ELMO1: variants seen among roughly 807,000 people sequenced by gnomAD.
ELMO1 encodes the protein engulfment and cell motility protein 1.
Under a neutral mutation model 98.9 loss-of-function variants are expected in ELMO1, and 26 were observed. That is an observed-to-expected ratio of 0.26 (90% CI 0.19 to 0.36). The LOEUF (loss-of-function observed/expected upper bound fraction) is 0.36. Among genes scored for constraint, ELMO1 ranks in the 10% least tolerant of loss-of-function variants. The pLI is 1.00. For synonymous variants in ELMO1, 346 were observed against 346.0 expected, an observed-to-expected ratio of 1.00 and a Z score of 0.00; for missense variants, 627 against 935.2, an observed-to-expected ratio of 0.67 and a Z score of 4.30.
intron 10 of ELMO1, among the ~76,000 whole-genome samples, chr7:37,219,083 C>T (rs1793453016): frequency 6.6e-6 from 1 of 152,228 alleles, no homozygotes; most frequent in East Asian, 1.9e-4. Context: ...TAGCCCAGCC[C>T]TTCCCTCCGT....
At chr7:37,383,293 T>G (rs1038386194) in intron 1 of ELMO1, among the ~76,000 whole-genome samples, 2 of 152,262 alleles carry the variant, frequency 1.3e-5, no homozygotes, top group African/African-American at 2.4e-5. Context: ...TTGCCTTTCA[T>G]GACGCTGACA....
At chr7:37,182,450 T>C in intron 13 of ELMO1, among the ~76,000 whole-genome samples, 1 of 119,150 alleles carries the variant, frequency 8.4e-6, no homozygotes, top group Non-Finnish European at 1.7e-5. Flanking sequence ...TCATGAGTGC[T>C]CTTGTGCTCT....
chr7:36,873,959 T>A (rs374472319), intron 19 of ELMO1, among the ~76,000 whole-genome samples: 4 of 152,200 alleles, frequency 2.6e-5, no homozygotes, highest in Non-Finnish European at 5.9e-5. Context: ...TAGAAGCTCC[T>A]GTGGGCAGAA....
chr7:36,889,092 T>C (rs750951638), intron 17 of ELMO1, among the ~76,000 whole-genome samples: 1 of 152,150 alleles, frequency 6.6e-6, no homozygotes, highest in African/African-American at 2.4e-5. Context: ...GATTTACTCA[T>C]GAGAAAAAAG....
intron 13 of ELMO1, among the ~76,000 whole-genome samples, chr7:37,204,751 C>T (rs573249779): frequency 2.6e-5 from 4 of 152,302 alleles, no homozygotes; most frequent in Admixed American, 2.0e-4. Flanking sequence ...AAACCTTTAG[C>T]TAGACACAGA....
intron 15 of ELMO1, among the ~76,000 whole-genome samples, chr7:37,043,826 C>T (rs1795657463): frequency 1.3e-5 from 2 of 151,916 alleles, no homozygotes; most frequent in African/African-American, 4.8e-5. Context: ...CAAAGGCTAG[C>T]TTTGCTGCCT....
At chr7:37,380,339 T>G (rs1009390989) in intron 1 of ELMO1, among the ~76,000 whole-genome samples, 1 of 152,224 alleles carries the variant, frequency 6.6e-6, no homozygotes, top group Non-Finnish European at 1.5e-5. Flanking sequence ...AGAGCACATG[T>G]TGGTTTTGTT....
chr7:37,288,064 A>G (rs774321181), intron 4 of ELMO1, among the ~76,000 whole-genome samples: 1 of 151,550 alleles, frequency 6.6e-6, no homozygotes, highest in African/African-American at 2.4e-5. Context: ...AGGTCAAGCA[A>G]TTCTTCTGCC....
chr7:37,221,656 G>A (rs1793602042), intron 10 of ELMO1, among the ~76,000 whole-genome samples: 1 of 152,034 alleles, frequency 6.6e-6, no homozygotes, highest in African/African-American at 2.4e-5. Flanking sequence ...GACACCATCA[G>A]AGGAAAGGTT....
chr7:37,415,127 T>C (rs989422613), intron 1 of ELMO1, among the ~76,000 whole-genome samples: 1 of 152,244 alleles, frequency 6.6e-6, no homozygotes, highest in Admixed American at 6.5e-5. Flanking sequence ...GTTATATGCA[T>C]ACAAAGCCTG....
At chr7:36,900,349 G>C (rs1273441341) in intron 16 of ELMO1, among the ~76,000 whole-genome samples, 2 of 152,210 alleles carry the variant, frequency 1.3e-5, no homozygotes, top group Non-Finnish European at 2.9e-5. Context: ...TTACTTGTAT[G>C]ATGGCCCATA....
chr7:37,152,965 C>T (rs117816527), intron 13 of ELMO1, among the ~76,000 whole-genome samples: 4,279 of 152,182 alleles, frequency 0.028, 98 homozygotes, highest in Middle Eastern at 0.082. Context: ...TCTGCCGGAG[C>T]GGACACCTAT....
At chr7:36,965,636 A>G (rs1000368876) in intron 16 of ELMO1, among the ~76,000 whole-genome samples, 3 of 152,226 alleles carry the variant, frequency 2.0e-5, no homozygotes, top group African/African-American at 7.2e-5. Flanking sequence ...ATATGCCTGC[A>G]AAAGAATCCT....
At position 37,406,267 on chromosome 7, in the gene ELMO1, G is replaced by GTTT. The variant is rs71554508; in HGVS notation, c.-74+42405_-74+42407dup. ...GAGAAATCTGCAATATTACTCTTTTGTTTTTTTTTTTTCTCTCTTTGTATA... is the reference window on the plus strand; with the variant it reads ...GAGAAATCTGCAATATTACTCTTTTGTTTTTTTTTTTTTTTCTCTCTTTGTATA... On this transcript the variant is annotated intron_variant, in intron 1 of 21. Coordinates refer to ENST00000310758, the MANE Select transcript of ELMO1 (RefSeq NM_014800.11). Among the ~76,000 whole-genome samples the GTTT allele has an allele frequency of 1.9e-3, 271 of 145,534 alleles. 1 individual carries two copies. Among genetic ancestry groups the GTTT allele is most frequent in the South Asian group, 5.2e-3 (24 of 4,626 alleles).
intron 1 of ELMO1, among the ~76,000 whole-genome samples, chr7:37,441,656 T>G (rs977067761): frequency 2.0e-5 from 3 of 152,236 alleles, no homozygotes; most frequent in Admixed American, 2.0e-4. Context: ...ATTGCCATTA[T>G]GTAAAGGTTA....
intron 1 of ELMO1, among the ~76,000 whole-genome samples, chr7:37,393,094 T>C (rs184574830): frequency 6.6e-6 from 1 of 152,346 alleles, no homozygotes; most frequent in East Asian, 1.9e-4. Context: ...CCTGGGCAAC[T>C]TGTCCATGAG....
intron 15 of ELMO1, among the ~76,000 whole-genome samples, chr7:37,049,602 G>A (rs921677390): frequency 2.6e-5 from 4 of 151,706 alleles, no homozygotes; most frequent in Non-Finnish European, 2.9e-5. Flanking sequence ...TGTCATATTC[G>A]TTCATGGGAT....
chr7:37,316,821 T>C (rs1451640108), intron 2 of ELMO1, among the ~76,000 whole-genome samples: 1 of 152,140 alleles, frequency 6.6e-6, no homozygotes, highest in Non-Finnish European at 1.5e-5. Flanking sequence ...GATTTTCAGA[T>C]ACAAAACCAT....
At chr7:37,368,003 C>T (rs74416810) in intron 1 of ELMO1, among the ~76,000 whole-genome samples, 7 of 152,156 alleles carry the variant, frequency 4.6e-5, no homozygotes, top group African/African-American at 7.2e-5. Flanking sequence ...ATCTTAGGAA[C>T]GTAGGCAAAT....
Sources: gnomAD v4.1 joint callset for allele counts (sites outside exome capture counted in the v4.1 genomes callset) on GRCh38, gnomAD v4.1.1 for gene constraint, MANE v1.5 for transcripts, NCBI Gene and HGNC (gene_info 2026-07-23, HGNC 2026-07-21) for gene names.